Variants in CAST observed in about 807,000 individuals in gnomAD.
CAST encodes MIR583 host.
Under a neutral mutation model 119.6 loss-of-function variants are expected in CAST, and 76 were observed. That is an observed-to-expected ratio of 0.64 (90% confidence interval 0.53 to 0.77). The LOEUF (loss-of-function observed/expected upper bound fraction) is 0.77, where lower values mean the gene tolerates loss of function less well. CAST is among the 30% of genes least tolerant of loss of function. CAST has a pLI of 0.00. For missense variants in CAST, 953 were observed against 946.5 expected, an observed-to-expected ratio of 1.01 and a Z score of -0.09; for synonymous variants, 319 against 331.6, an observed-to-expected ratio of 0.96 and a Z score of 0.41.
chr5:96,609,036 C>T (rs1157142516), intron 1 of CAST, among the ~76,000 whole-genome samples: 1 of 152,190 alleles, frequency 6.6e-6, no homozygotes, highest in Non-Finnish European at 1.5e-5. Flanking sequence ...ACACCTTACA[C>T]AAAAATACTT....
chr5:96,223,829 G>A, the CAST span, among the ~76,000 whole-genome samples: 6 of 152,104 alleles, frequency 3.9e-5, no homozygotes, highest in Admixed American at 3.9e-4. Context: ...AATAGACTAG[G>A]TAATTACTGT....
chr5:96,689,129 T>C (rs1343522641), intron 2 of CAST, among the ~76,000 whole-genome samples: 2 of 152,212 alleles, frequency 1.3e-5, no homozygotes, highest in South Asian at 4.1e-4. Flanking sequence ...ATATTCTCTT[T>C]GGAATCTGAT....
the CAST span, among the ~76,000 whole-genome samples, chr5:95,963,232 T>G: frequency 6.6e-6 from 1 of 152,230 alleles, no homozygotes; most frequent in South Asian, 2.1e-4. Context: ...AGATATTTAA[T>G]CAGTATTTTT....
At chr5:96,710,984 C>T (rs1190854446) in intron 3 of CAST, among the ~76,000 whole-genome samples, 8 of 151,996 alleles carry the variant, frequency 5.3e-5, no homozygotes, top group Non-Finnish European at 1.2e-4. Flanking sequence ...TTAATTATTG[C>T]AGTATTGTGT....
chr5:96,399,840 C>T, the CAST span: 24 of 803,188 alleles, frequency 3.0e-5, no homozygotes, highest in Non-Finnish European at 5.1e-5. Flanking sequence ...TAGAAAATTC[C>T]ACCTCCATCT....
rs1773391412 is a variant in CAST at position 96,774,031 on chromosome 5, G to A, written c.*1415G>A. 6.6e-6 allele frequency: 1 copy of A among 152,302 alleles called. No individual in the cohort carries two copies. The highest frequency in any genetic ancestry group is 2.4e-5 in the African/African-American group (1 of 41,416). 9.4% of individuals were successfully genotyped at this position (152,302 alleles called of 1,614,324 possible). A position where few individuals can be genotyped will look rare whatever the true frequency, so the allele number is the denominator to read the frequency against. On this transcript the variant is annotated 3_prime_UTR_variant, in exon 32 of 32. Coordinates refer to ENST00000675179, the MANE Select transcript of CAST (RefSeq NM_001750.7). ...ACACACCACCAGCTTAAAATGCTAT[G>A]TCTCTATCCATCAGAAATAGTCATT...
At chr5:96,601,451 T>A (rs561102746) in intron 1 of CAST, among the ~76,000 whole-genome samples, 1 of 152,366 alleles carries the variant, frequency 6.6e-6, no homozygotes, top group South Asian at 2.1e-4. Flanking sequence ...ACGGAAACAA[T>A]GGATTCTTTG....
chr5:96,119,280 T>A, the CAST span, among the ~76,000 whole-genome samples: 4 of 152,012 alleles, frequency 2.6e-5, no homozygotes, highest in Admixed American at 2.0e-4. Flanking sequence ...TTGAAAAAAA[T>A]TTTTAAAAGT....
At chr5:96,574,942 G>T (rs982009801) in intron 1 of CAST, among the ~76,000 whole-genome samples, 1 of 152,012 alleles carries the variant, frequency 6.6e-6, no homozygotes, top group Non-Finnish European at 1.5e-5. Flanking sequence ...GAATTGGTTT[G>T]TATATTTAAT....
At chr5:96,064,764 T>C in the CAST span, among the ~76,000 whole-genome samples, 1 of 152,174 alleles carries the variant, frequency 6.6e-6, no homozygotes, top group Non-Finnish European at 1.5e-5. Flanking sequence ...TTGCCTGAAA[T>C]AACCTAGTCT....
the CAST span, among the ~76,000 whole-genome samples, chr5:96,062,641 G>GA: frequency 6.6e-6 from 1 of 152,038 alleles, no homozygotes; most frequent in Admixed American, 6.6e-5. Flanking sequence ...GAACAGCAGT[G>GA]AAAAGAAGGG....
At chr5:96,517,191 T>C in the CAST span, among the ~76,000 whole-genome samples, 1 of 143,762 alleles carries the variant, frequency 7.0e-6, no homozygotes, top group Non-Finnish European at 1.6e-5. Flanking sequence ...TAAAAGACAA[T>C]TTGTATATAT....
chr5:96,620,124 T>C (rs1202293195), intron 1 of CAST, among the ~76,000 whole-genome samples: 2 of 152,314 alleles, frequency 1.3e-5, no homozygotes, highest in African/African-American at 4.8e-5. Flanking sequence ...AAGGCCAGGC[T>C]CTGGCAGTTA....
chr5:96,598,370 A>C (rs1341494636), intron 1 of CAST, among the ~76,000 whole-genome samples: 1 of 152,168 alleles, frequency 6.6e-6, no homozygotes, highest in East Asian at 1.9e-4. Flanking sequence ...TCAGCCTCAG[A>C]TATGACCAGA....
the CAST span, chr5:96,391,109 T>C: frequency 4.6e-5 from 7 of 152,238 alleles, no homozygotes; most frequent in Non-Finnish European, 1.0e-4. Context: ...AAATTCTATC[T>C]AACACTTCAT....
At chr5:95,995,591 A>G in the CAST span, among the ~76,000 whole-genome samples, 3 of 152,074 alleles carry the variant, frequency 2.0e-5, no homozygotes, top group Non-Finnish European at 4.4e-5. Context: ...TATTGATTTC[A>G]GAAGGAACAG....
chr5:95,961,780 C>T, the CAST span: 2 of 1,505,718 alleles, frequency 1.3e-6, no homozygotes, highest in Non-Finnish European at 1.8e-6. Flanking sequence ...CCACTGCGGC[C>T]GCGGCTGCTT....
At chr5:96,723,501 G>T (rs1758677400) in intron 4 of CAST, among the ~76,000 whole-genome samples, 1 of 151,980 alleles carries the variant, frequency 6.6e-6, no homozygotes, top group South Asian at 2.1e-4. Flanking sequence ...TGAAATTTGA[G>T]TCTTGTGGGG....
chr5:96,705,630 G>A (rs1259223118), intron 3 of CAST, among the ~76,000 whole-genome samples: 1 of 151,910 alleles, frequency 6.6e-6, no homozygotes, highest in Non-Finnish European at 1.5e-5. Flanking sequence ...AAGAATAGAT[G>A]AGCATAATCT....
Sources: gnomAD v4.1 joint callset for allele counts (sites outside exome capture counted in the v4.1 genomes callset) on GRCh38, gnomAD v4.1.1 for gene constraint, MANE v1.5 for transcripts, NCBI Gene and HGNC (gene_info 2026-07-23, HGNC 2026-07-21) for gene names.